Variants in JMJD1C observed in about 807,000 individuals in gnomAD.
The protein encoded by JMJD1C is jumonji domain containing 1C.
JMJD1C carries 31 observed loss-of-function variants against 245.3 expected under a neutral mutation model. That is an observed-to-expected ratio of 0.13 (90% CI 0.09 to 0.17). The LOEUF (loss-of-function observed/expected upper bound fraction) is 0.17, where lower values mean the gene tolerates loss of function less well. JMJD1C is among the 10% of genes least tolerant of loss of function. The pLI is 1.00. For missense variants in JMJD1C, 2,691 were observed against 3,000.2 expected, an observed-to-expected ratio of 0.90 and a Z score of 2.41; for synonymous variants, 1,057 against 1,017.4, an observed-to-expected ratio of 1.04 and a Z score of -0.74.
intron 1 of JMJD1C, among the ~76,000 whole-genome samples, chr10:63,442,902 G>A (rs758036678): frequency 5.9e-5 from 9 of 151,762 alleles, no homozygotes; most frequent in Admixed American, 3.3e-4. Context: ...CCACTTCTCC[G>A]ACTCTCTGAC....
chr10:63,171,472 T>C (rs1419016224), intron 24 of JMJD1C, among the ~76,000 whole-genome samples: 1 of 152,222 alleles, frequency 6.6e-6, no homozygotes, highest in Admixed American at 6.5e-5. Context: ...GCTCTGGCAA[T>C]GGTCATTGCT....
intron 1 of JMJD1C, among the ~76,000 whole-genome samples, chr10:63,452,260 G>A (rs1952118277): frequency 6.6e-6 from 1 of 152,092 alleles, no homozygotes; most frequent in Admixed American, 6.6e-5. Flanking sequence ...AACAAAACAT[G>A]CTGAATCAAA....
Position 63,200,577 on chromosome 10 carries a change from C to A in JMJD1C, c.5175G>T (p.Gly1725=), listed in dbSNP as rs1204016671. Residue 1725 remains glycine, a synonymous_variant, in exon 11 of 26, where the codon GGG becomes GGT. Coordinates refer to ENST00000399262, the MANE Select transcript of JMJD1C (RefSeq NM_032776.3). ...ATTCTCGACACTTTTGTAAATTAGG[C>A]CCTATCTCACAGCAGGAGTCATCCT... ...FLQDDSCCEI[G]PNLQKCRECR... 1 of 1,613,822 alleles carries A rather than the reference C, an allele frequency of 6.2e-7. No individual in the cohort carries two copies. The highest frequency in any genetic ancestry group is 1.1e-5 in the South Asian group (1 of 91,072).
At chr10:63,389,614 A>G (rs1010744919) in intron 1 of JMJD1C, among the ~76,000 whole-genome samples, 2 of 152,066 alleles carry the variant, frequency 1.3e-5, no homozygotes, top group Admixed American at 6.6e-5. Context: ...TCACCAGCAA[A>G]TGGAAGATTC....
chr10:63,354,752 T>C (rs554577839), intron 2 of JMJD1C, among the ~76,000 whole-genome samples: 5 of 151,608 alleles, frequency 3.3e-5, no homozygotes, highest in Admixed American at 1.3e-4. Context: ...TGGTGGCTCA[T>C]GCCTGTAATC....
chr10:63,215,709 A>G lies in JMJD1C; in HGVS notation c.679-13T>C. On this transcript the variant is annotated splice_polypyrimidine_tract_variant and intron_variant, in intron 5 of 25. Transcript: ENST00000399262. Reference sequence around the variant, plus strand: ...GTGGTTCTAGTACCTAATCCATGATACAAAACAAAAACAAAAATTAAATAG... The same window carrying G: ...GTGGTTCTAGTACCTAATCCATGATGCAAAACAAAAACAAAAATTAAATAG... 1 of 1,514,430 alleles carries G rather than the reference A, an allele frequency of 6.6e-7. No homozygotes were observed. The allele number at this position is 1,514,430 out of a possible 1,614,324, so 93.8% of individuals were successfully genotyped here.
At chr10:63,483,446 C>G (rs1953889866) in intron 1 of JMJD1C, among the ~76,000 whole-genome samples, 1 of 152,202 alleles carries the variant, frequency 6.6e-6, no homozygotes, top group Non-Finnish European at 1.5e-5. Flanking sequence ...AGCTGAGCAG[C>G]ACCCCTGCCT....
chr10:63,359,702 T>G (rs1353917861), intron 2 of JMJD1C, among the ~76,000 whole-genome samples: 1 of 152,228 alleles, frequency 6.6e-6, no homozygotes, highest in Non-Finnish European at 1.5e-5. Context: ...TCCTGTTTCA[T>G]GAAATCATTT....
chr10:63,408,340 T>C (rs1949289344), intron 1 of JMJD1C, among the ~76,000 whole-genome samples: 1 of 151,924 alleles, frequency 6.6e-6, no homozygotes, highest in Non-Finnish European at 1.5e-5. Flanking sequence ...GAGGCGAAGG[T>C]TGCAGTAAGC....
chr10:63,372,962 C>A (rs1248466892), intron 2 of JMJD1C: 1 of 212,726 alleles, frequency 4.7e-6, no homozygotes. Flanking sequence ...GTGTTACAGC[C>A]CACCTGGGTT....
intron 2 of JMJD1C, among the ~76,000 whole-genome samples, chr10:63,329,705 C>A (rs1180576146): frequency 1.3e-5 from 2 of 152,164 alleles, no homozygotes; most frequent in Non-Finnish European, 2.9e-5. Context: ...CAGTAGAAAT[C>A]ATACTTTGAA....
intron 2 of JMJD1C, among the ~76,000 whole-genome samples, chr10:63,299,689 C>G (rs1859861064): frequency 6.6e-6 from 1 of 152,104 alleles, no homozygotes; most frequent in African/African-American, 2.4e-5. Flanking sequence ...ATAATCTTCT[C>G]TTTGGCAAAA....
intron 1 of JMJD1C, among the ~76,000 whole-genome samples, chr10:63,512,289 C>CTTT (rs34129211): frequency 6.7e-6 from 1 of 148,478 alleles, no homozygotes; most frequent in South Asian, 2.1e-4. Context: ...TCTCTCTGAA[C>CTTT]TTTTTTTTTT....
intron 3 of JMJD1C, among the ~76,000 whole-genome samples, chr10:63,252,311 G>A (rs1403401258): frequency 6.6e-6 from 1 of 152,168 alleles, no homozygotes; most frequent in Non-Finnish European, 1.5e-5. Flanking sequence ...TCCAGATGTT[G>A]CTCTGGAAGT....
chr10:63,270,801 A>C (rs1216175363), intron 2 of JMJD1C, among the ~76,000 whole-genome samples: 5 of 152,272 alleles, frequency 3.3e-5, no homozygotes, highest in African/African-American at 1.2e-4. Context: ...GTGGAGACTT[A>C]CGTGATGATA....
intron 1 of JMJD1C, among the ~76,000 whole-genome samples, chr10:63,471,235 C>A (rs1047271197): frequency 2.0e-5 from 3 of 152,144 alleles, no homozygotes; most frequent in Admixed American, 6.5e-5. Context: ...CTGTTTATAT[C>A]CATGAAAGTT....
chr10:63,455,141 G>A (rs1952327651), intron 1 of JMJD1C, among the ~76,000 whole-genome samples: 2 of 152,210 alleles, frequency 1.3e-5, no homozygotes, highest in Admixed American at 6.5e-5. Context: ...AAGAGATGCA[G>A]ATTAAACTAG....
At chr10:63,196,465 G>A (rs1449448013) in intron 13 of JMJD1C, among the ~76,000 whole-genome samples, 1 of 152,072 alleles carries the variant, frequency 6.6e-6, no homozygotes, top group African/African-American at 2.4e-5. Flanking sequence ...GAAACACTTA[G>A]CTGTAGATGT....
At chr10:63,488,967 A>C (rs1368860783) in intron 1 of JMJD1C, among the ~76,000 whole-genome samples, 2 of 152,234 alleles carry the variant, frequency 1.3e-5, no homozygotes, top group Non-Finnish European at 2.9e-5. Context: ...CGATGGTCCC[A>C]TAAGATTATG....
Sources: allele counts gnomAD v4.1 joint callset (sites outside exome capture counted in the v4.1 genomes callset), GRCh38; gene constraint gnomAD v4.1.1; transcripts MANE v1.5; gene names NCBI Gene and HGNC (gene_info 2026-07-23, HGNC 2026-07-21).